Variants in KATNAL1 observed in about 807,000 individuals in gnomAD.
The protein encoded by KATNAL1 is katanin catalytic subunit A1 like 1, also known as katanin p60 ATPase-containing subunit A-like 1.
KATNAL1 carries 32 observed loss-of-function variants against 55.2 expected under a neutral mutation model. That is an observed-to-expected ratio of 0.58 (90% CI 0.44 to 0.78). KATNAL1 has a LOEUF of 0.78. KATNAL1 is among the 30% of genes least tolerant of loss of function. The pLI is 0.00. For missense variants in KATNAL1, 466 were observed against 600.9 expected (o/e 0.78, Z 2.35); for synonymous variants, 193 against 193.6 (o/e 1.00, Z 0.02).
chr13:30,219,301 T>C (rs149595619), intron 9 of KATNAL1, among the ~76,000 whole-genome samples: 2 of 152,312 alleles, frequency 1.3e-5, no homozygotes, highest in African/African-American at 2.4e-5. Flanking sequence ...ATCTGGTGGC[T>C]CCAGCCCCAA....
intron 6 of KATNAL1, among the ~76,000 whole-genome samples, chr13:30,231,777 T>C (rs1159583876): frequency 6.6e-6 from 1 of 152,164 alleles, no homozygotes; most frequent in Non-Finnish European, 1.5e-5. Context: ...GACATATACA[T>C]ATAATATTCA....
intron 6 of KATNAL1, among the ~76,000 whole-genome samples, chr13:30,233,906 C>G (rs1236093322): frequency 1.3e-5 from 2 of 152,122 alleles, no homozygotes; most frequent in African/African-American, 4.8e-5. Context: ...CTCATGAAGA[C>G]AGAATAGACT....
intron 1 of KATNAL1, among the ~76,000 whole-genome samples, chr13:30,306,453 AG>A (rs11301540): frequency 0.69 from 103,549 of 150,860 alleles, 35,849 homozygotes; most frequent in African/African-American, 0.77. Context: ...CAGGCTGGCA[AG>A]GGGGGGGTGG....
Position 30,235,660 on chromosome 13 carries a change from G to A in KATNAL1, c.727-4188C>T, listed in dbSNP as rs569266321. Among the ~76,000 whole-genome samples the A allele has an allele frequency of 1.4e-4, 21 of 152,334 alleles. No homozygotes were observed. In the South Asian group the frequency reaches 3.9e-3, roughly 29 times the overall value. Reference sequence around the variant, plus strand: ...CATCCTGACTCCAGGAAGAGAGGGCGAAAGAAGCGTCACCTTCAGCATCCT... The same window carrying A: ...CATCCTGACTCCAGGAAGAGAGGGCAAAAGAAGCGTCACCTTCAGCATCCT... On this transcript the variant is annotated intron_variant, in intron 6 of 10. Transcript: ENST00000380615.
At chr13:30,266,635 T>C (rs1879805112) in intron 3 of KATNAL1, among the ~76,000 whole-genome samples, 1 of 152,194 alleles carries the variant, frequency 6.6e-6, no homozygotes, top group Non-Finnish European at 1.5e-5. Flanking sequence ...TTTTCTTAAA[T>C]ATTCCAAATA....
intron 1 of KATNAL1, 118 bp from the exon 2 acceptor site, chr13:30,283,909 T>C: frequency 1.4e-6 from 1 of 692,406 alleles, no homozygotes; most frequent in East Asian, 2.8e-5. Flanking sequence ...AGAGACTCAC[T>C]TTATTGCCCA....
intron 4 of KATNAL1, among the ~76,000 whole-genome samples, chr13:30,254,407 C>A (rs1878607982): frequency 6.6e-6 from 1 of 152,104 alleles, no homozygotes; most frequent in Non-Finnish European, 1.5e-5. Flanking sequence ...TTAAAAAAAT[C>A]TAATTCATTT....
chr13:30,270,312 C>A (rs1244907993), intron 3 of KATNAL1, among the ~76,000 whole-genome samples: 2 of 151,066 alleles, frequency 1.3e-5, no homozygotes, highest in African/African-American at 2.4e-5. Context: ...GGGTCAGCCC[C>A]CCGCCCGGCC....
chr13:30,267,829 T>A (rs1303352322), intron 3 of KATNAL1, among the ~76,000 whole-genome samples: 1 of 152,058 alleles, frequency 6.6e-6, no homozygotes, highest in African/African-American at 2.4e-5. Flanking sequence ...AGTCCTTCAG[T>A]GTTTTGGGCC....
At chr13:30,283,825 T>C in intron 1 of KATNAL1, 34 bp from the exon 2 acceptor site, 1 of 1,433,520 alleles carries the variant, frequency 7.0e-7, no homozygotes, top group Non-Finnish European at 9.5e-7. Flanking sequence ...TTTAAAAATT[T>C]TCAGCACTGA....
intron 6 of KATNAL1, 46 bp downstream of exon 6, chr13:30,240,414 T>G (rs764272796): frequency 1.8e-5 from 23 of 1,302,336 alleles, no homozygotes; most frequent in Non-Finnish European, 2.4e-5. Flanking sequence ...TTCATTCCAG[T>G]GCCAAGTAGC....
In KATNAL1 at chr13:30,292,100, C is replaced by T. The variant is rs142816590; in HGVS notation, c.-14-8309G>A. Among the ~76,000 whole-genome samples the T allele has an allele frequency of 1.1e-3, 172 of 152,208 alleles. 1 individual carries two copies. The highest frequency in any genetic ancestry group is 3.8e-3 in the African/African-American group (159 of 41,546). ...CTGACATAAAGGCAGACACAAAGAT[C>T]AGTGAAAGAAACTAGAGAGTCAAGA... On this transcript the variant is annotated intron_variant, in intron 1 of 10. Coordinates refer to ENST00000380615, the MANE Select transcript of KATNAL1 (RefSeq NM_032116.5).
chr13:30,298,561 C>A (rs1056590644), intron 1 of KATNAL1, among the ~76,000 whole-genome samples: 1 of 151,930 alleles, frequency 6.6e-6, no homozygotes, highest in Non-Finnish European at 1.5e-5. Flanking sequence ...CAACATAAAG[C>A]AAAATTAAGG....
In KATNAL1 at chr13:30,271,894, A is replaced by AAAC. The variant is rs1425626039; in HGVS notation, c.323+8168_323+8169insGTT. On this transcript the variant is annotated intron_variant, in intron 3 of 10. Coordinates refer to ENST00000380615, the MANE Select transcript of KATNAL1 (RefSeq NM_032116.5). Reference sequence around the variant, plus strand: ...AGAAAAGAGGAAAAAAAAAAAAAAAAAAAAAACAGAGTTGTGTAATGTCAC... The same window carrying AAAC: ...AGAAAAGAGGAAAAAAAAAAAAAAAAAACAAAAAACAGAGTTGTGTAATGTCAC... Among the ~76,000 whole-genome samples, 511 of 151,254 alleles carry AAAC rather than the reference A, an allele frequency of 3.4e-3. 1 individual carries two copies. The highest frequency in any genetic ancestry group is 4.4e-3 in the Non-Finnish European group (299 of 67,722).
intron 9 of KATNAL1, among the ~76,000 whole-genome samples, chr13:30,212,995 C>T (rs1268616624): frequency 6.6e-6 from 1 of 152,150 alleles, no homozygotes; most frequent in Non-Finnish European, 1.5e-5. Flanking sequence ...AAGGGGAAGA[C>T]CACATGAAGA....
chr13:30,235,663 A>C (rs977522495), intron 6 of KATNAL1, among the ~76,000 whole-genome samples: 5 of 152,260 alleles, frequency 3.3e-5, no homozygotes, highest in African/African-American at 1.2e-4. Context: ...AGAGGGCGAA[A>C]GAAGCGTCAC....
chr13:30,306,854 T>G (rs1429293367), intron 1 of KATNAL1: 1 of 152,198 alleles, frequency 6.6e-6, no homozygotes, highest in South Asian at 2.1e-4. Context: ...TCCCTGAGAC[T>G]GTGCAGGGCG....
rs1216590381 is a variant in KATNAL1, at chr13:30,280,183, C to CT, written c.202dup (p.Ser68LysfsTer10). 1 of 1,609,836 alleles carries CT rather than the reference C, an allele frequency of 6.2e-7. No individual in the cohort carries two copies. Among genetic ancestry groups the CT allele is most frequent in the Non-Finnish European group, 8.5e-7 (1 of 1,178,620 alleles). Reference sequence around the variant, plus strand: ...AAAACTTTCTAAAGTGCTGACAATACTTTTAACTTGTTCATATTCCTCCAA... The same window carrying CT: ...AAAACTTTCTAAAGTGCTGACAATACTTTTTAACTTGTTCATATTCCTCCAA... On this transcript the variant is annotated frameshift_variant, in exon 3 of 11. Coordinates refer to ENST00000380615, the MANE Select transcript of KATNAL1 (RefSeq NM_032116.5). LOFTEE classifies it high-confidence loss of function.
chr13:30,267,450 A>G (rs533707814), intron 3 of KATNAL1, among the ~76,000 whole-genome samples: 15 of 152,366 alleles, frequency 9.8e-5, no homozygotes, highest in African/African-American at 2.9e-4. Context: ...CACCAAGCCT[A>G]TAATTTAGCT....
Sources: gnomAD v4.1 joint callset for allele counts (sites outside exome capture counted in the v4.1 genomes callset) on GRCh38, gnomAD v4.1.1 for gene constraint, MANE v1.5 for transcripts, NCBI Gene and HGNC (gene_info 2026-07-23, HGNC 2026-07-21) for gene names.